RAB3B: variants seen among roughly 807,000 people sequenced by gnomAD.
RAB3B encodes RAB3B, member RAS oncogene family.
RAB3B carries 11 observed loss-of-function variants against 20.5 expected under a neutral mutation model. That is an observed-to-expected ratio of 0.54 (90% CI 0.34 to 0.89). The LOEUF (loss-of-function observed/expected upper bound fraction) is 0.89, where lower values mean the gene tolerates loss of function less well. Among genes scored for constraint, RAB3B ranks in the 40% least tolerant of loss-of-function variants. The probability of loss-of-function intolerance (pLI) is 0.02; values close to 1 mark genes in which losing one functional copy is unlikely to be tolerated. For synonymous variants in RAB3B, 99 were observed against 106.3 expected (o/e 0.93, Z 0.42); for missense variants, 225 against 280.9 (o/e 0.80, Z 1.42).
chr1:51,975,465 T>C (rs1369675625), intron 2 of RAB3B, among the ~76,000 whole-genome samples: 3 of 152,332 alleles, frequency 2.0e-5, no homozygotes, highest in African/African-American at 7.2e-5. Flanking sequence ...TTTGTGTAGT[T>C]TCCTCCCATG....
intron 2 of RAB3B, among the ~76,000 whole-genome samples, chr1:51,970,849 C>CAA (rs546939139): frequency 5.7e-5 from 8 of 141,090 alleles, no homozygotes; most frequent in African/African-American, 1.8e-4. Context: ...ACTAAAAATA[C>CAA]AAAAAAAAAA....
chr1:51,950,729 C>T (rs1035704977), intron 2 of RAB3B, among the ~76,000 whole-genome samples: 2 of 152,196 alleles, frequency 1.3e-5, no homozygotes, highest in African/African-American at 4.8e-5. Flanking sequence ...TCTCTCTTCC[C>T]GTCTTCAATC....
intron 2 of RAB3B, among the ~76,000 whole-genome samples, chr1:51,949,650 C>T (rs777313150): frequency 8.5e-5 from 13 of 152,212 alleles, no homozygotes; most frequent in Non-Finnish European, 1.5e-4. Flanking sequence ...TGCCTGCAAC[C>T]CCAAAGCTCC....
At position 51,912,582 on chromosome 1, in the gene RAB3B, TATATATATATATATATATAA is replaced by T. The variant is rs1163701233; in HGVS notation, c.*7325_*7344del. On this transcript the variant is annotated 3_prime_UTR_variant, in exon 5 of 5. Coordinates refer to ENST00000371655, the MANE Select transcript of RAB3B (RefSeq NM_002867.4). ...ATATATATATATATATATATATATATATATATATATATATATATAAAAAATGTTACTCCTGTGAGACAGAA... is the reference window on the plus strand; with the variant it reads ...ATATATATATATATATATATATATATAAAATGTTACTCCTGTGAGACAGAA... The T allele has an allele frequency of 3.8e-4, 24 of 62,882 alleles. 6 individuals are homozygous for T. Among genetic ancestry groups the T allele is most frequent in the African/African-American group, 1.0e-3 (17 of 17,068 alleles). The allele number at this position is 62,882 out of a possible 1,614,324, so 3.9% of individuals were successfully genotyped here.
Position 51,959,198 on chromosome 1 carries a change from A to G in RAB3B, c.228+17692T>C, listed in dbSNP as rs1284459000. 2.0e-5 allele frequency among the ~76,000 whole-genome samples: 3 copies of G among 152,156 alleles called. No homozygotes were observed. The East Asian group carries it at 5.8e-4, about 29-fold the overall frequency. On this transcript the variant is annotated intron_variant, in intron 2 of 4. Coordinates refer to ENST00000371655, the MANE Select transcript of RAB3B (RefSeq NM_002867.4). ...GAGATGATACTTGAACTGAGTCTTC[A>G]AAGTCAAATGGGAGTTTGCTGATAG... is the stretch of plus-strand genomic sequence containing the variant.
intron 2 of RAB3B, among the ~76,000 whole-genome samples, chr1:51,969,986 C>T (rs1684905901): frequency 6.6e-6 from 1 of 152,052 alleles, no homozygotes; most frequent in South Asian, 2.1e-4. Context: ...GGGAGGATCA[C>T]CTGAAGCCAG....
At chr1:51,945,103 C>G (rs982282450) in intron 2 of RAB3B, among the ~76,000 whole-genome samples, 1 of 152,144 alleles carries the variant, frequency 6.6e-6, no homozygotes, top group Non-Finnish European at 1.5e-5. Flanking sequence ...AAGGCAAGAC[C>G]CTCCACTGGC....
intron 4 of RAB3B, among the ~76,000 whole-genome samples, chr1:51,924,756 A>G (rs1684221233): frequency 6.6e-6 from 1 of 152,180 alleles, no homozygotes; most frequent in African/African-American, 2.4e-5. Flanking sequence ...GAATAACCCC[A>G]AATGCACCCC....
chr1:51,957,138 A>G (rs1684717943), intron 2 of RAB3B, among the ~76,000 whole-genome samples: 1 of 152,242 alleles, frequency 6.6e-6, no homozygotes, highest in Non-Finnish European at 1.5e-5. Flanking sequence ...TAGCAGCACA[A>G]CTGGTGGAAA....
chr1:51,922,636 T>G (rs1684187372), intron 4 of RAB3B, among the ~76,000 whole-genome samples: 1 of 152,088 alleles, frequency 6.6e-6, no homozygotes, highest in Non-Finnish European at 1.5e-5. Flanking sequence ...GGGAAATCTC[T>G]TTGTCTTCAT....
At chr1:51,928,958 G>C (rs1684285650) in intron 4 of RAB3B, among the ~76,000 whole-genome samples, 1 of 152,162 alleles carries the variant, frequency 6.6e-6, no homozygotes, top group South Asian at 2.1e-4. Flanking sequence ...CTTCTTCATA[G>C]CACTTGTGGT....
chr1:51,937,497 A>C, intron 2 of RAB3B, 85 bp from the exon 3 acceptor site: 1 of 922,184 alleles, frequency 1.1e-6, no homozygotes, highest in Non-Finnish European at 1.6e-6. Context: ...CTAATAACCC[A>C]AGACATTTTT....
intron 2 of RAB3B, among the ~76,000 whole-genome samples, chr1:51,947,866 A>T (rs1035877573): frequency 6.6e-6 from 1 of 152,088 alleles, no homozygotes; most frequent in Admixed American, 6.5e-5. Flanking sequence ...ACATCCTTGT[A>T]TTGAGTGCTT....
intron 3 of RAB3B, 138 bp downstream of exon 3, chr1:51,937,156 G>T: frequency 3.3e-6 from 2 of 611,598 alleles, no homozygotes; most frequent in Non-Finnish European, 5.6e-6. Context: ...TCTGTCTTCT[G>T]CTCTCGTCTG....
intron 1 of RAB3B, among the ~76,000 whole-genome samples, chr1:51,981,838 T>C (rs1256533968): frequency 6.6e-6 from 1 of 152,202 alleles, no homozygotes; most frequent in Non-Finnish European, 1.5e-5. Context: ...TAAACAAACC[T>C]ACTGCATTGC....
At chr1:51,920,365 T>A (rs986298105) in intron 4 of RAB3B, among the ~76,000 whole-genome samples, 1 of 152,228 alleles carries the variant, frequency 6.6e-6, no homozygotes, top group Non-Finnish European at 1.5e-5. Context: ...CTGAGTCATT[T>A]ATTCTCTTTA....
At chr1:51,970,624 T>G (rs756674092) in intron 2 of RAB3B, among the ~76,000 whole-genome samples, 8 of 152,026 alleles carry the variant, frequency 5.3e-5, no homozygotes, top group African/African-American at 2.4e-5. Context: ...TCAAATAGGC[T>G]GGAGGAATTT....
chr1:51,976,938 C>T lies in RAB3B; in HGVS notation c.180G>A (p.Lys60=), dbSNP rs759786670. The part of the protein sequence containing the change: ...AFVSTVGIDF[K]VKTVYRHEKR... ...TCTCGTGACGGTAGACTGTCTTCAC[C>T]TTGAAGTCGATGCCCACGGTGCTAA... The change falls in exon 2 of 5, where the codon AAG becomes AAA. Residue 60 remains lysine (K), a synonymous_variant. Transcript: ENST00000371655. 1.2e-6 allele frequency: 2 copies of T among 1,614,210 alleles called. No individual in the cohort carries two copies. Among genetic ancestry groups the T allele is most frequent in the Non-Finnish European group, 1.7e-6 (2 of 1,180,040 alleles).
At position 51,919,668 on chromosome 1, in the gene RAB3B, C is replaced by T. The variant is rs1347685008; in HGVS notation, c.*259G>A. 1 of 367,260 alleles carries T rather than the reference C, an allele frequency of 2.7e-6. No individual in the cohort carries two copies. Among genetic ancestry groups the T allele is most frequent in the Non-Finnish European group, 4.9e-6 (1 of 204,462 alleles). The allele number at this position is 367,260 out of a possible 1,614,324, so 22.8% of individuals were successfully genotyped here. On this transcript the variant is annotated 3_prime_UTR_variant, in exon 5 of 5. Transcript: ENST00000371655. Reference sequence around the variant, plus strand: ...CTAAGTCCCTGTAGTGAATCCCCTTCGTAAAACAGAGTCTTCTTTTGTAAA... The same window carrying T: ...CTAAGTCCCTGTAGTGAATCCCCTTTGTAAAACAGAGTCTTCTTTTGTAAA...
Sources: allele counts gnomAD v4.1 joint callset (sites outside exome capture counted in the v4.1 genomes callset), GRCh38; gene constraint gnomAD v4.1.1; transcripts MANE v1.5; gene names NCBI Gene and HGNC (gene_info 2026-07-23, HGNC 2026-07-21).